The following SULF1 variants were observed in gnomAD, a reference collection of about 807,000 sequenced individuals.
SULF1 encodes the protein extracellular sulfatase Sulf-1.
SULF1 carries 46 observed loss-of-function variants against 110.5 expected under a neutral mutation model. The ratio of observed to expected loss-of-function variants is 0.42; its 90% CI spans 0.33 to 0.53. The LOEUF (loss-of-function observed/expected upper bound fraction) is 0.53. Ranked by LOEUF, SULF1 falls within the 20% of genes least tolerant of loss-of-function variation. The pLI, the probability that SULF1 is intolerant of heterozygous loss-of-function variation, is 0.12. For missense variants in SULF1, 941 were observed against 1,094.2 expected, an observed-to-expected ratio of 0.86 and a Z score of 1.98; for synonymous variants, 371 against 387.1, an observed-to-expected ratio of 0.96 and a Z score of 0.49.
intron 1 of SULF1, among the ~76,000 whole-genome samples, chr8:69,484,825 CTCTTCTTCTTCTTCT>C (rs72313235): frequency 2.1e-4 from 32 of 148,944 alleles, no homozygotes; most frequent in Admixed American, 5.4e-4. Flanking sequence ...TTTCATCTTC[CTCTTCTTCTTCTTCT>C]TCTTCTTCTT....
intron 19 of SULF1, among the ~76,000 whole-genome samples, chr8:69,634,254 A>G (rs1810804941): frequency 6.6e-6 from 1 of 152,168 alleles, no homozygotes; most frequent in South Asian, 2.1e-4. Flanking sequence ...GTAGTTTGTT[A>G]TCTGATTTGT....
At chr8:69,600,347 G>A (rs538461626) in intron 8 of SULF1, among the ~76,000 whole-genome samples, 1 of 152,126 alleles carries the variant, frequency 6.6e-6, no homozygotes, top group Admixed American at 6.5e-5. Flanking sequence ...GAACCCAAAT[G>A]AACTTCTAAT....
intron 3 of SULF1, among the ~76,000 whole-genome samples, chr8:69,556,551 T>A (rs890846432): frequency 2.0e-5 from 3 of 152,194 alleles, no homozygotes; most frequent in African/African-American, 7.2e-5. Flanking sequence ...TTCTTTGTTA[T>A]TGCAACAAAC....
Position 69,585,698 on chromosome 8 carries a change from A to G in SULF1, c.413-659A>G, listed in dbSNP as rs116174125. On this transcript the variant is annotated intron_variant, in intron 6 of 22. Coordinates refer to ENST00000402687, the MANE Select transcript of SULF1 (RefSeq NM_001128205.2). Reference sequence around the variant, plus strand: ...ATAATTGTATGAAAATTAGTAATCTATGTAGTAACTCTATGTTGACAGAAT... The same window carrying G: ...ATAATTGTATGAAAATTAGTAATCTGTGTAGTAACTCTATGTTGACAGAAT... Among the ~76,000 whole-genome samples the G allele has an allele frequency of 3.1e-3, 473 of 152,320 alleles. 2 individuals are homozygous for G. Among genetic ancestry groups the G allele is most frequent in the African/African-American group, 0.011 (455 of 41,576 alleles).
chr8:69,617,317 G>A (rs1809228917), intron 13 of SULF1, among the ~76,000 whole-genome samples: 2 of 140,504 alleles, frequency 1.4e-5, no homozygotes, highest in Admixed American at 1.5e-4. Flanking sequence ...TGGGACCACA[G>A]GCATGTGCCA....
intron 3 of SULF1, among the ~76,000 whole-genome samples, chr8:69,525,882 A>G (rs1812627218): frequency 6.6e-6 from 1 of 152,164 alleles, no homozygotes; most frequent in Admixed American, 6.5e-5. Context: ...CTGGTGTGAT[A>G]ATCGGAGACT....
intron 6 of SULF1, 74 bp from the exon 7 acceptor site, chr8:69,586,283 T>C: frequency 7.0e-7 from 1 of 1,433,556 alleles, no homozygotes; most frequent in African/African-American, 1.5e-5. Context: ...TTTCAAGTCA[T>C]AATTTTATAC....
chr8:69,631,887 T>C (rs1810581008), intron 19 of SULF1, among the ~76,000 whole-genome samples: 1 of 152,264 alleles, frequency 6.6e-6, no homozygotes, highest in African/African-American at 2.4e-5. Flanking sequence ...AGCTCTGTTT[T>C]TCCCCCATGG....
intron 13 of SULF1, among the ~76,000 whole-genome samples, chr8:69,616,117 A>G (rs960693364): frequency 2.7e-5 from 4 of 145,818 alleles, no homozygotes; most frequent in Admixed American, 6.8e-5. Context: ...ATGTGTGTGT[A>G]TATATAATGT....
chr8:69,623,155 C>CTT (rs1809749029), intron 14 of SULF1, among the ~76,000 whole-genome samples: 1 of 148,958 alleles, frequency 6.7e-6, no homozygotes, highest in African/African-American at 2.5e-5. Flanking sequence ...CACCCCTTGC[C>CTT]TTAACCCTCC....
chr8:69,562,540 A>G (rs558585075), intron 3 of SULF1, among the ~76,000 whole-genome samples: 2 of 152,284 alleles, frequency 1.3e-5, no homozygotes, highest in East Asian at 3.9e-4. Flanking sequence ...CTCATGACAT[A>G]TGAGAGGAAG....
rs187192821 is a variant in SULF1 at position 69,638,284 on chromosome 8, A to G, written c.2285-218A>G. 51 of 581,124 alleles carry G rather than the reference A, an allele frequency of 8.8e-5. 1 individual carries two copies. The highest frequency in any genetic ancestry group is 7.4e-4 in the East Asian group (24 of 32,612). 36.0% of individuals were successfully genotyped at this position (581,124 alleles called of 1,614,324 possible). On this transcript the variant is annotated intron_variant, in intron 19 of 22. Coordinates refer to ENST00000402687, the MANE Select transcript of SULF1 (RefSeq NM_001128205.2). ...GAAATTTTACTTTAGTCTTCAGCCTATAAGAGATCACTATCTTTTTTCCCA... is the reference window on the plus strand; with the variant it reads ...GAAATTTTACTTTAGTCTTCAGCCTGTAAGAGATCACTATCTTTTTTCCCA...
intron 3 of SULF1, among the ~76,000 whole-genome samples, chr8:69,545,667 T>C (rs958428975): frequency 2.6e-5 from 4 of 151,942 alleles, no homozygotes; most frequent in African/African-American, 9.7e-5. Flanking sequence ...GGTTTTTTTG[T>C]TTTGTTTTGT....
intron 3 of SULF1, among the ~76,000 whole-genome samples, chr8:69,545,829 G>A (rs1197305710): frequency 6.6e-6 from 1 of 152,062 alleles, no homozygotes. Flanking sequence ...ACGCCCAGCT[G>A]ATGTTTTCTT....
chr8:69,642,438 A>C, intron 22 of SULF1: 1 of 981,074 alleles, frequency 1.0e-6, no homozygotes, highest in Non-Finnish European at 1.2e-6. Flanking sequence ...CTTGTTCTTC[A>C]TCTTAACTGT....
intron 3 of SULF1, among the ~76,000 whole-genome samples, chr8:69,554,999 C>CA (rs376696620): frequency 2.5e-4 from 17 of 68,454 alleles, no homozygotes; most frequent in Non-Finnish European, 1.8e-4. Flanking sequence ...AAAAAAAAAA[C>CA]AAAAAAAAAA....
At chr8:69,529,647 A>T (rs1209740824) in intron 3 of SULF1, among the ~76,000 whole-genome samples, 1 of 152,128 alleles carries the variant, frequency 6.6e-6, no homozygotes, top group African/African-American at 2.4e-5. Context: ...TAAGGGACTT[A>T]CTAGAGTAGG....
chr8:69,522,548 ATAAAGTTT>A (rs1404964289), intron 3 of SULF1, among the ~76,000 whole-genome samples: 2 of 152,338 alleles, frequency 1.3e-5, no homozygotes, highest in African/African-American at 4.8e-5. Context: ...ATATTTGGAA[ATAAAGTTT>A]TGCATTTAGA....
intron 3 of SULF1, among the ~76,000 whole-genome samples, chr8:69,556,282 G>A (rs1414858393): frequency 6.6e-6 from 1 of 152,154 alleles, no homozygotes; most frequent in Non-Finnish European, 1.5e-5. Context: ...CCTTGCCGTT[G>A]AGTGGGGCCA....
Sources: gnomAD v4.1 joint callset for allele counts (sites outside exome capture counted in the v4.1 genomes callset) on GRCh38, gnomAD v4.1.1 for gene constraint, MANE v1.5 for transcripts, NCBI Gene and HGNC (gene_info 2026-07-23, HGNC 2026-07-21) for gene names.